Variants in CDCA3 observed in about 807,000 individuals in gnomAD.
CDCA3 encodes cell division cycle associated 3, also known as cell division cycle-associated protein 3.
CDCA3 carries 16 observed loss-of-function variants against 29.1 expected under a neutral mutation model. The ratio of observed to expected loss-of-function variants is 0.55; its 90% CI spans 0.37 to 0.83. CDCA3 has a LOEUF of 0.83. CDCA3 is among the 40% of genes least tolerant of loss of function. The probability of loss-of-function intolerance (pLI) is 0.00; values close to 1 mark genes in which losing one functional copy is unlikely to be tolerated. For missense variants in CDCA3, 291 were observed against 327.2 expected (o/e 0.89, Z 0.85); for synonymous variants, 88 against 124.5 (o/e 0.71, Z 1.95).
chr12:6,845,738 A>T (rs782316014), downstream of CDCA3: 12 of 1,614,066 alleles, frequency 7.4e-6, no homozygotes, highest in Non-Finnish European at 9.3e-6. Flanking sequence ...GTGGCCGCCT[A>T]CTATTCGCTG....
downstream of CDCA3, chr12:6,848,786 C>T (rs781881385): frequency 3.6e-5 from 17 of 478,082 alleles, no homozygotes; most frequent in East Asian, 6.1e-4. Context: ...GCTCTCTAGG[C>T]CGCCATTCTA....
At position 6,849,998 on chromosome 12, in the gene CDCA3, G is replaced by T; in HGVS notation, c.251-140C>A. On this transcript the variant is annotated intron_variant, in intron 3 of 5. Transcript: ENST00000538862. The surrounding 1 kb of genome is among the most constrained non-coding windows in gnomAD (Gnocchi z 5.2). ...GAAATCAAGGAAATCAAGGTGAAAG[G>T]GAGCAATTTTTTTTTTTTTTGAGAT... 1.3e-6 allele frequency: 1 copy of T among 791,724 alleles called. No individual in the cohort carries two copies. Among genetic ancestry groups the T allele is most frequent in the Non-Finnish European group, 1.9e-6 (1 of 536,576 alleles). 49.0% of individuals were successfully genotyped at this position (791,724 alleles called of 1,614,324 possible).
chr12:6,846,972 G>A, downstream of CDCA3: 1 of 838,082 alleles, frequency 1.2e-6, no homozygotes, highest in Non-Finnish European at 2.0e-6. Context: ...TCTCATTCAG[G>A]TGTTCTCTTC....
At chr12:6,846,112 C>G (rs779745787), downstream of CDCA3, 6 of 359,936 alleles carry the variant, frequency 1.7e-5, no homozygotes, top group Non-Finnish European at 3.1e-5. Flanking sequence ...CACTGAGAGG[C>G]AAGACAGCCT....
chr12:6,844,968 T>G (rs1369064302), downstream of CDCA3: 2 of 152,386 alleles, frequency 1.3e-5, no homozygotes, highest in African/African-American at 4.8e-5. Context: ...CAGTCTATAT[T>G]CAAATTTCAC....
At chr12:6,846,177 C>T, downstream of CDCA3, 1 of 250,418 alleles carries the variant, frequency 4.0e-6, no homozygotes, top group South Asian at 6.1e-5. Context: ...GCCCGAGGGC[C>T]CTGACTGCAG....
downstream of CDCA3, chr12:6,844,860 C>A (rs1776434234): frequency 6.6e-6 from 1 of 152,222 alleles, no homozygotes; most frequent in Non-Finnish European, 1.5e-5. Flanking sequence ...TGTTTCTTTA[C>A]CCCTTAAGTA....
chr12:6,848,716 T>G, downstream of CDCA3: 1 of 316,006 alleles, frequency 3.2e-6, no homozygotes, highest in Non-Finnish European at 5.9e-6. Flanking sequence ...GACACCATGG[T>G]TAAAGGGAGA....
chr12:6,851,148 G>A (rs1030858248), intron 1 of CDCA3, 74 bp downstream of exon 1: 14 of 1,379,014 alleles, frequency 1.0e-5, no homozygotes, highest in African/African-American at 5.9e-5. Flanking sequence ...AATGACTGCT[G>A]CAGCTGACAA....
At chr12:6,846,486 C>T (rs1555124744), downstream of CDCA3, 1 of 282,078 alleles carries the variant, frequency 3.5e-6, no homozygotes, top group Non-Finnish European at 6.7e-6. Context: ...GATCCCAGCC[C>T]TCCCCCAACC....
downstream of CDCA3, chr12:6,845,203 A>C (rs1232624092): frequency 5.4e-6 from 1 of 183,602 alleles, no homozygotes; most frequent in Non-Finnish European, 1.1e-5. Flanking sequence ...GCTCGCCGTG[A>C]GATCCAGGCC....
At chr12:6,847,058 G>A, downstream of CDCA3, 2 of 593,932 alleles carry the variant, frequency 3.4e-6, no homozygotes, top group Non-Finnish European at 6.1e-6. Flanking sequence ...CCTTTGGGAG[G>A]CAGCATCAGG....
In CDCA3 at chr12:6,849,079, G is replaced by T; in HGVS notation, c.771C>A (p.Asp257Glu). Residue 257 changes from aspartate (D) to glutamate (E), a missense_variant, in exon 6 of 6, where the codon GAC (aspartate) becomes GAA (glutamate). By Grantham distance (45) the Asp-to-Glu change is conservative. Transcript: ENST00000538862. The surrounding 1 kb of genome is among the most constrained non-coding windows in gnomAD (Gnocchi z 5.2). ...CCAAGGGAAAGTGCTGATTTTCCTT[G>T]TCATGGTCCTGGCCTTGCTCCCATG... is the stretch of plus-strand genomic sequence containing the variant. ...GRAWEQGQDH[D>E]KENQHFPLVE... 1 of 1,297,174 alleles carries T rather than the reference G, an allele frequency of 7.7e-7. No individual in the cohort carries two copies. Among genetic ancestry groups the T allele is most frequent in the Non-Finnish European group, 1.1e-6 (1 of 890,460 alleles). The allele number at this position is 1,297,174 out of a possible 1,614,324, so 80.4% of individuals were successfully genotyped here.
Position 6,850,719 on chromosome 12 carries a change from G to T in CDCA3, c.120+114C>A. ...AGCCTACCCCACACAGATTGAGATT[G>T]CAGAAAATAAGGCTAGGATAAGGGT... is the stretch of plus-strand genomic sequence containing the variant. On this transcript the variant is annotated intron_variant, in intron 2 of 5. Transcript: ENST00000538862. This position sits in a 1 kb window ranked among gnomAD's most constrained non-coding sequence, Gnocchi z 4.7. The T allele has an allele frequency of 6.4e-7, 1 of 1,572,170 alleles. No homozygotes were observed. Among genetic ancestry groups the T allele is most frequent in the Non-Finnish European group, 8.7e-7 (1 of 1,151,816 alleles).
chr12:6,848,451 C>T (rs1440311992), downstream of CDCA3: 1 of 152,156 alleles, frequency 6.6e-6, no homozygotes, highest in African/African-American at 2.4e-5. Flanking sequence ...AGATAATGGC[C>T]AAGGTTTGGG....
Position 6,850,293 on chromosome 12 carries a change from C to A in CDCA3, c.250+174G>T. The A allele has an allele frequency of 1.2e-6, 1 of 842,014 alleles. No homozygotes were observed. The highest frequency in any genetic ancestry group is 2.6e-5 in the East Asian group (1 of 38,512). 52.2% of individuals were successfully genotyped at this position (842,014 alleles called of 1,614,324 possible). A position where few individuals can be genotyped will look rare whatever the true frequency, so the allele number is the denominator to read the frequency against. On this transcript the variant is annotated intron_variant, in intron 3 of 5. Transcript: ENST00000538862. The surrounding 1 kb of genome is among the most constrained non-coding windows in gnomAD (Gnocchi z 4.7). Reference sequence around the variant, plus strand: ...CCGGCCTTCCAACGTGCTGGGATTACAGGCATGAGCCACCGCACCCAGGCT... The same window carrying A: ...CCGGCCTTCCAACGTGCTGGGATTAAAGGCATGAGCCACCGCACCCAGGCT...
Position 6,850,004 on chromosome 12 carries a change from ATT to A in CDCA3, c.251-148_251-147del. On this transcript the variant is annotated intron_variant, in intron 3 of 5. Coordinates refer to ENST00000538862, the MANE Select transcript of CDCA3 (RefSeq NM_031299.7). The surrounding 1 kb of genome is among the most constrained non-coding windows in gnomAD (Gnocchi z 4.7). ...AAGGAAATCAAGGTGAAAGGGAGCAATTTTTTTTTTTTTTGAGATGGGGCTTG... is the reference window on the plus strand; with the variant it reads ...AAGGAAATCAAGGTGAAAGGGAGCAATTTTTTTTTTTTGAGATGGGGCTTG... 2.5e-3 allele frequency: 1,300 copies of A among 522,090 alleles called. No homozygotes were observed. Among genetic ancestry groups the A allele is most frequent in the South Asian group, 5.3e-3 (140 of 26,250 alleles). The allele number at this position is 522,090 out of a possible 1,614,324, so 32.3% of individuals were successfully genotyped here.
At chr12:6,848,800 A>G (rs1943755166), downstream of CDCA3, 3 of 507,398 alleles carry the variant, frequency 5.9e-6, no homozygotes, top group African/African-American at 1.9e-5. Flanking sequence ...CATTCTACAC[A>G]CAGAAAACTC....
chr12:6,846,643 C>T, downstream of CDCA3: 1 of 609,972 alleles, frequency 1.6e-6, no homozygotes, highest in Non-Finnish European at 3.0e-6. Flanking sequence ...GTACACACAC[C>T]CACACATGCA....
Sources: gnomAD v4.1 joint callset for allele counts on GRCh38, gnomAD v4.1.1 for gene constraint, Gnocchi (gnomAD v3.1) non-coding constraint, MANE v1.5 for transcripts, NCBI Gene and HGNC (gene_info 2026-07-23, HGNC 2026-07-21) for gene names.